The following ARID1B variants were observed in gnomAD, a reference collection of about 807,000 sequenced individuals.
ARID1B encodes AT-rich interaction domain 1B.
A neutral mutation model predicts 212.3 loss-of-function variants in ARID1B; 30 were observed. The ratio of observed to expected loss-of-function variants is 0.14; its 90% confidence interval spans 0.11 to 0.19. The LOEUF (loss-of-function observed/expected upper bound fraction) is 0.19, where lower values mean the gene tolerates loss of function less well. Among genes scored for constraint, ARID1B ranks in the 10% least tolerant of loss-of-function variants. The pLI is 1.00. For synonymous variants in ARID1B, 1,402 were observed against 1,301.7 expected (o/e 1.08, Z -1.66); for missense variants, 2,891 against 3,204.0 (o/e 0.90, Z 2.36).
intron 11 of ARID1B, among the ~76,000 whole-genome samples, chr6:157,180,278 A>G (rs183573010): frequency 2.1e-3 from 318 of 152,282 alleles, no homozygotes; most frequent in Non-Finnish European, 3.7e-3. Flanking sequence ...TATCAATATA[A>G]AACACATGAG....
intron 13 of ARID1B, among the ~76,000 whole-genome samples, chr6:157,188,229 C>CT (rs1218255323): frequency 1.3e-5 from 2 of 151,730 alleles, no homozygotes; most frequent in African/African-American, 4.8e-5. Context: ...TAAATAAAAA[C>CT]TTTTTTAAAA....
At chr6:156,816,942 G>T (rs1309488518) in intron 1 of ARID1B, among the ~76,000 whole-genome samples, 1 of 152,176 alleles carries the variant, frequency 6.6e-6, no homozygotes, top group Non-Finnish European at 1.5e-5. Flanking sequence ...GGGGCAGAAA[G>T]GAGAAGTGTC....
chr6:156,873,997 G>A (rs1786346621), intron 2 of ARID1B, among the ~76,000 whole-genome samples: 2 of 152,174 alleles, frequency 1.3e-5, no homozygotes, highest in Admixed American at 1.3e-4. Flanking sequence ...TCAGGCCTGT[G>A]GTGGCAGTGC....
chr6:157,128,921 T>C (rs1409873065), intron 6 of ARID1B, among the ~76,000 whole-genome samples: 3 of 152,226 alleles, frequency 2.0e-5, no homozygotes, highest in Admixed American at 6.5e-5. Context: ...ATGTGAGAGG[T>C]ACTTCCCATA....
At chr6:156,799,612 G>A (rs1004273881) in intron 1 of ARID1B, among the ~76,000 whole-genome samples, 1 of 152,180 alleles carries the variant, frequency 6.6e-6, no homozygotes, top group African/African-American at 2.4e-5. Context: ...TTGTAGCTGG[G>A]ATTACAGATG....
rs1368764248 is a variant in ARID1B, at chr6:157,201,035, C to T, written c.4810C>T (p.Pro1604Ser). The change falls in exon 18 of 20, where the codon CCT becomes TCT. Residue 1604 changes from proline to serine, a missense_variant. By Grantham distance (74) the Pro-to-Ser change is moderately conservative. This residue lies in a region of ARID1B where 666 missense variants were observed against 873.5 expected (regional missense o/e 0.76). Coordinates refer to ENST00000636930, the MANE Select transcript of ARID1B (RefSeq NM_001374828.1). This position sits in a 1 kb window ranked among gnomAD's most constrained non-coding sequence, Gnocchi z 5.2. ...TTATCCCTACCAGAACAGGCAGGGC[C>T]CTGGCGGCCCTACACAGGCGCCCCC... Reference protein sequence around the residue: ...MPYPYQNRQGPGGPTQAPPYP... With the variant: ...MPYPYQNRQGSGGPTQAPPYP... 2 of 1,613,866 alleles carry T rather than the reference C, an allele frequency of 1.2e-6. No homozygotes were observed. The highest frequency in any genetic ancestry group is 1.7e-6 in the Non-Finnish European group (2 of 1,179,788).
intron 2 of ARID1B, among the ~76,000 whole-genome samples, chr6:156,838,639 A>G (rs1305237555): frequency 2.0e-5 from 3 of 151,914 alleles, no homozygotes; most frequent in Non-Finnish European, 4.4e-5. Flanking sequence ...GGGTGCAGCA[A>G]ACCAACATGG....
Position 156,779,039 on chromosome 6 carries a change from C to T in ARID1B, c.1359C>T (p.Ser453=), listed in dbSNP as rs1247067528. Residue 453 remains serine (S), a synonymous_variant, in exon 1 of 20, where the codon TCC becomes TCT. Transcript: ENST00000636930. ...GSSAGYGVLS[S]PRQQGGGMMM... is the part of the protein sequence containing the mutation. ...CCGCGGGGTACGGGGTGCTGAGCTC[C>T]CCCCGGCAGCAGGGCGGCGGCATGA... 1.3e-5 allele frequency: 16 copies of T among 1,227,390 alleles called. No homozygotes were observed. The highest frequency in any genetic ancestry group is 3.2e-5 in the African/African-American group (2 of 62,022). 76.0% of individuals were successfully genotyped at this position (1,227,390 alleles called of 1,614,324 possible). A position where few individuals can be genotyped will look rare whatever the true frequency, so the allele number is the denominator to read the frequency against.
At chr6:156,805,754 C>T (rs973612140) in intron 1 of ARID1B, among the ~76,000 whole-genome samples, 11 of 152,064 alleles carry the variant, frequency 7.2e-5, no homozygotes, top group African/African-American at 2.4e-4. Context: ...TAACTCACTG[C>T]AGCGTGTAAC....
intron 4 of ARID1B, among the ~76,000 whole-genome samples, chr6:156,971,419 C>T (rs1360743907): frequency 6.6e-6 from 1 of 152,110 alleles, no homozygotes; most frequent in African/African-American, 2.4e-5. Flanking sequence ...GTTGAAAGAA[C>T]TTTGTGTGTG....
chr6:157,111,299 T>A (rs531387522), intron 6 of ARID1B: 30 of 152,460 alleles, frequency 2.0e-4, no homozygotes, highest in African/African-American at 6.5e-4. Flanking sequence ...TCTGTCTTCA[T>A]TATCCCTTGG....
intron 4 of ARID1B, among the ~76,000 whole-genome samples, chr6:157,010,287 T>G (rs1456808244): frequency 1.4e-5 from 2 of 141,134 alleles, no homozygotes; most frequent in African/African-American, 5.3e-5. Context: ...TGTTTTTTTT[T>G]TTTTTTTTTT....
intron 1 of ARID1B, among the ~76,000 whole-genome samples, chr6:156,807,379 T>G (rs1191186160): frequency 6.6e-6 from 1 of 152,050 alleles, no homozygotes; most frequent in African/African-American, 2.4e-5. Flanking sequence ...TAGTTGAGTT[T>G]CTTCATGTTC....
At chr6:157,070,944 G>A (rs1783971738) in intron 4 of ARID1B, among the ~76,000 whole-genome samples, 1 of 152,146 alleles carries the variant, frequency 6.6e-6, no homozygotes, top group Admixed American at 6.5e-5. Context: ...TATTGTTGGA[G>A]TTTGGCACTG....
intron 2 of ARID1B, among the ~76,000 whole-genome samples, chr6:156,856,698 T>TCACA (rs1253993136): frequency 1.5e-4 from 13 of 85,608 alleles, no homozygotes; most frequent in African/African-American, 3.0e-4. Context: ...TCTCTCTCTC[T>TCACA]CTCACACACA....
chr6:156,932,145 A>AGGGGGGGGG (rs61152353), intron 3 of ARID1B, among the ~76,000 whole-genome samples: 1 of 61,340 alleles, frequency 1.6e-5, no homozygotes, highest in African/African-American at 6.4e-5. Flanking sequence ...AAAAAAAAAA[A>AGGGGGGGGG]GGGGGGGGGC....
intron 2 of ARID1B, among the ~76,000 whole-genome samples, chr6:156,892,554 T>C (rs1788025657): frequency 6.6e-6 from 1 of 152,228 alleles, no homozygotes; most frequent in Admixed American, 6.5e-5. Flanking sequence ...AGCTATTATT[T>C]ATATCCATTA....
chr6:156,950,266 T>C (rs1306190070), intron 4 of ARID1B, among the ~76,000 whole-genome samples: 1 of 152,222 alleles, frequency 6.6e-6, no homozygotes, highest in Non-Finnish European at 1.5e-5. Flanking sequence ...GCAAACTCCT[T>C]ACATTGCTCA....
Position 156,779,461 on chromosome 6 carries a change from G to T in ARID1B, c.1781G>T (p.Gly594Val), listed in dbSNP as rs775035352. Residue 594 changes from glycine (G) to valine (V), a missense_variant, in exon 1 of 20, where the codon GGC becomes GTC. Gly to Val is a moderately radical substitution (Grantham distance 109). Transcript: ENST00000636930. Reference sequence around the variant, plus strand: ...CCCGGCACCCCCGGACCGACCATGGGCAGATCCCAGGTAACCCTCGCGCCA... The same window carrying T: ...CCCGGCACCCCCGGACCGACCATGGTCAGATCCCAGGTAACCCTCGCGCCA... ...MSPGTPGPTM[G>V]RSQGSPMDPM... The T allele has an allele frequency of 1.3e-5, 19 of 1,420,462 alleles. No individual in the cohort carries two copies. The South Asian group carries it at 1.6e-4, about 12-fold the overall frequency. The allele number at this position is 1,420,462 out of a possible 1,614,324, so 88.0% of individuals were successfully genotyped here. A position where few individuals can be genotyped will look rare whatever the true frequency, so the allele number is the denominator to read the frequency against.
Sources: gnomAD v4.1 joint callset for allele counts (sites outside exome capture counted in the v4.1 genomes callset) on GRCh38, gnomAD v4.1.1 for gene constraint, gnomAD v4.1.1 regional missense constraint, Gnocchi (gnomAD v3.1) non-coding constraint, MANE v1.5 for transcripts, NCBI Gene and HGNC (gene_info 2026-07-23, HGNC 2026-07-21) for gene names.